The following MAP3K19 variants were observed in gnomAD, a reference collection of about 807,000 sequenced individuals.
MAP3K19 encodes the protein mitogen-activated protein kinase kinase kinase 19.
A neutral mutation model predicts 114.4 loss-of-function variants in MAP3K19; 91 were observed. The ratio of observed to expected loss-of-function variants is 0.80; its 90% confidence interval spans 0.67 to 0.95. The LOEUF (loss-of-function observed/expected upper bound fraction) is 0.95. Ranked by LOEUF, MAP3K19 falls within the 40% of genes least tolerant of loss-of-function variation. The pLI is 0.00. For synonymous variants in MAP3K19, 518 were observed against 530.5 expected (o/e 0.98, Z 0.32); for missense variants, 1,471 against 1,573.2 (o/e 0.94, Z 1.10).
At chr2:135,018,348 A>AT (rs996655249) in intron 5 of MAP3K19, among the ~76,000 whole-genome samples, 3 of 150,114 alleles carry the variant, frequency 2.0e-5, no homozygotes, top group African/African-American at 7.3e-5. Context: ...CAACATATAT[A>AT]TTTTTTTAAG....
intron 10 of MAP3K19, among the ~76,000 whole-genome samples, chr2:134,984,104 C>A (rs1433549808): frequency 2.0e-5 from 3 of 152,206 alleles, no homozygotes; most frequent in Non-Finnish European, 4.4e-5. Context: ...CATAGGCCTG[C>A]AGCTACTAAC....
At chr2:134,995,143 C>T (rs115220505) in intron 8 of MAP3K19, among the ~76,000 whole-genome samples, 5,657 of 151,996 alleles carry the variant, frequency 0.037, 178 homozygotes, top group Middle Eastern at 0.16. Context: ...AAGACCCCAT[C>T]GCTACCAAAG....
chr2:135,026,111 T>C (rs1215685856), intron 3 of MAP3K19, among the ~76,000 whole-genome samples: 3 of 152,246 alleles, frequency 2.0e-5, no homozygotes, highest in African/African-American at 7.2e-5. Context: ...GGACTGAGAA[T>C]TGGGGTTGCC....
At position 134,977,047 on chromosome 2, in the gene MAP3K19, G is replaced by GGA. The variant is rs750385031; in HGVS notation, c.3920+3773_3920+3774insTC. Reference sequence around the variant, plus strand: ...GGTAACAAAGCAAGACTCCGTCTCGGAAAAAAAAAAAAAAAAAAAATTCTT... The same window carrying GGA: ...GGTAACAAAGCAAGACTCCGTCTCGGGAAAAAAAAAAAAAAAAAAAAATTCTT... On this transcript the variant is annotated intron_variant, in intron 12 of 12. Coordinates refer to ENST00000392915, the MANE Select transcript of MAP3K19 (RefSeq NM_025052.5). Among the ~76,000 whole-genome samples the GGA allele has an allele frequency of 6.5e-3, 755 of 116,168 alleles. 4 individuals carry two copies. The highest frequency in any genetic ancestry group is 0.023 in the African/African-American group (720 of 31,426). The allele number at this position is 116,168 out of a possible 152,430, so 76.2% of individuals were successfully genotyped here.
chr2:134,983,619 AG>A, intron 11 of MAP3K19, 56 bp downstream of exon 11: 1 of 929,560 alleles, frequency 1.1e-6, no homozygotes, highest in Non-Finnish European at 1.4e-6. Context: ...GGAGGGGTGG[AG>A]GGAGGGACTG....
chr2:134,974,131 A>G (rs1180614385), intron 12 of MAP3K19, among the ~76,000 whole-genome samples: 2 of 152,072 alleles, frequency 1.3e-5, no homozygotes, highest in Non-Finnish European at 2.9e-5. Flanking sequence ...CCTCCAGAGT[A>G]GCTGGGATTA....
rs746373900 is a variant in MAP3K19 at position 134,986,986 on chromosome 2, G to A, written c.1886C>T (p.Pro629Leu). ...TGGCTCTGTCGGTTGAACAGAGAGA[G>A]GAACACATGACTTCTGTGTTCCTGG... ...KNPGTQKSCVPLSVQPTEPRL... is the reference protein window; with the variant it reads ...KNPGTQKSCVLLSVQPTEPRL... The change falls in exon 10 of 13, where the codon CCT (proline) becomes CTT (leucine). Residue 629 changes from proline (P) to leucine (L), a missense_variant. Coordinates refer to ENST00000392915, the MANE Select transcript of MAP3K19 (RefSeq NM_025052.5). 2 of 1,613,714 alleles carry A rather than the reference G, an allele frequency of 1.2e-6. No homozygotes were observed. The highest frequency in any genetic ancestry group is 1.7e-6 in the Non-Finnish European group (2 of 1,180,006).
At chr2:134,990,535 G>T (rs556155516) in intron 9 of MAP3K19, among the ~76,000 whole-genome samples, 129 of 151,132 alleles carry the variant, frequency 8.5e-4, no homozygotes, top group Non-Finnish European at 1.4e-3. Flanking sequence ...GGAGTCCGGT[G>T]GCATGATGTC....
At chr2:134,966,914 T>A (rs745816332) in intron 12 of MAP3K19, among the ~76,000 whole-genome samples, 2 of 152,138 alleles carry the variant, frequency 1.3e-5, no homozygotes, top group African/African-American at 2.4e-5. Flanking sequence ...GAAAGAGCAA[T>A]CAGACTCTTA....
intron 12 of MAP3K19, among the ~76,000 whole-genome samples, chr2:134,970,073 C>T (rs114063586): frequency 0.013 from 2,047 of 152,146 alleles, 27 homozygotes; most frequent in Middle Eastern, 0.041. Flanking sequence ...GTGATGCCTC[C>T]AGCTTTGTTC....
chr2:134,973,988 A>T (rs1442920347), intron 12 of MAP3K19, among the ~76,000 whole-genome samples: 2 of 152,034 alleles, frequency 1.3e-5, no homozygotes, highest in African/African-American at 4.8e-5. Flanking sequence ...TATGCCTTTC[A>T]AAACTTTTTT....
intron 2 of MAP3K19, among the ~76,000 whole-genome samples, chr2:135,031,583 C>A (rs183091847): frequency 6.6e-6 from 1 of 152,214 alleles, no homozygotes; most frequent in Admixed American, 6.5e-5. Flanking sequence ...GAAAGATTTT[C>A]CTCAGGAAAA....
At chr2:134,976,574 C>A (rs1684248163) in intron 12 of MAP3K19, among the ~76,000 whole-genome samples, 1 of 152,086 alleles carries the variant, frequency 6.6e-6, no homozygotes, top group African/African-American at 2.4e-5. Context: ...TATTTTAGTT[C>A]TTTGTGGAGG....
intron 12 of MAP3K19, among the ~76,000 whole-genome samples, chr2:134,979,089 G>A (rs1021655746): frequency 4.6e-5 from 7 of 152,022 alleles, no homozygotes; most frequent in Middle Eastern, 3.4e-3. Flanking sequence ...AGAGTGCCTC[G>A]CCCTTTATTT....
At chr2:134,973,865 AC>A (rs1684041071) in intron 12 of MAP3K19, among the ~76,000 whole-genome samples, 1 of 152,228 alleles carries the variant, frequency 6.6e-6, no homozygotes, top group South Asian at 2.1e-4. Flanking sequence ...TTGTAGGGCC[AC>A]TAATGGTGAT....
chr2:135,038,991 G>A (rs1392619096), intron 2 of MAP3K19, among the ~76,000 whole-genome samples: 1 of 152,120 alleles, frequency 6.6e-6, no homozygotes, highest in Non-Finnish European at 1.5e-5. Flanking sequence ...CAAAATTCAA[G>A]ATAATGGTTA....
chr2:134,984,392 CAT>C (rs553090139), intron 10 of MAP3K19, among the ~76,000 whole-genome samples: 1 of 152,050 alleles, frequency 6.6e-6, no homozygotes, highest in Non-Finnish European at 1.5e-5. Flanking sequence ...ACATATATAT[CAT>C]ATATATACAT....
At position 134,999,039 on chromosome 2, in the gene MAP3K19, A is replaced by C; in HGVS notation, c.315-42T>G. ...ATGTTTGATTTAAAACTCAGTTGCCACATCTTCTGGATCTCCAGTCCTCAG... is the reference window on the plus strand; with the variant it reads ...ATGTTTGATTTAAAACTCAGTTGCCCCATCTTCTGGATCTCCAGTCCTCAG... On this transcript the variant is annotated intron_variant, in intron 7 of 12. Transcript: ENST00000392915. This position sits in a 1 kb window ranked among gnomAD's most constrained non-coding sequence, Gnocchi z 4.1. 6.3e-7 allele frequency: 1 copy of C among 1,586,146 alleles called. No individual in the cohort carries two copies. The highest frequency in any genetic ancestry group is 1.4e-5 in the African/African-American group (1 of 73,614).
rs10190022 is a variant in MAP3K19, at chr2:134,999,650, T to C, written c.314+287A>G. Among the ~76,000 whole-genome samples, 2,012 of 152,278 alleles carry C rather than the reference T, an allele frequency of 0.013. 32 individuals carry two copies. Among genetic ancestry groups the C allele is most frequent in the African/African-American group, 0.045 (1,876 of 41,548 alleles). On this transcript the variant is annotated intron_variant, in intron 7 of 12. Coordinates refer to ENST00000392915, the MANE Select transcript of MAP3K19 (RefSeq NM_025052.5). The surrounding 1 kb of genome is among the most constrained non-coding windows in gnomAD (Gnocchi z 4.1). ...TACAGCCCGGGGACCAAATCCAGCC[T>C]TCAGCCTTTTTCTGTAGCTTTAATT...
Sources: gnomAD v4.1 joint callset for allele counts (sites outside exome capture counted in the v4.1 genomes callset) on GRCh38, gnomAD v4.1.1 for gene constraint, Gnocchi (gnomAD v3.1) non-coding constraint, MANE v1.5 for transcripts, NCBI Gene and HGNC (gene_info 2026-07-23, HGNC 2026-07-21) for gene names.